Variants in GPHN observed in about 807,000 individuals in gnomAD.
The protein encoded by GPHN is gephyrin.
A neutral mutation model predicts 95.5 loss-of-function variants in GPHN; 17 were observed. That is an observed-to-expected ratio of 0.18 (90% CI 0.12 to 0.27). GPHN has a LOEUF of 0.27. GPHN is among the 10% of genes least tolerant of loss of function. The pLI is 1.00. For synonymous variants in GPHN, 320 were observed against 322.5 expected (o/e 0.99, Z 0.08); for missense variants, 660 against 978.1 (o/e 0.67, Z 4.34).
At chr14:67,454,087 G>GTT in the GPHN span, 1 of 152,416 alleles carries the variant, frequency 6.6e-6, no homozygotes, top group Non-Finnish European at 1.5e-5. Flanking sequence ...TACAGGTTGT[G>GTT]TCCCCTGGGG....
At chr14:66,635,720 G>T (rs898049136) in intron 1 of GPHN, among the ~76,000 whole-genome samples, 3 of 152,144 alleles carry the variant, frequency 2.0e-5, no homozygotes, top group Non-Finnish European at 4.4e-5. Flanking sequence ...AAGGAATGAG[G>T]TGTACTGGAA....
chr14:67,088,510 T>C (rs1433327079), intron 11 of GPHN, among the ~76,000 whole-genome samples: 1 of 152,204 alleles, frequency 6.6e-6, no homozygotes, highest in Non-Finnish European at 1.5e-5. Flanking sequence ...CTTATTTAAG[T>C]ACCTATATTG....
the GPHN span, among the ~76,000 whole-genome samples, chr14:67,728,711 G>A: frequency 6.6e-6 from 1 of 150,916 alleles, no homozygotes; most frequent in African/African-American, 2.4e-5. Flanking sequence ...TGTGGGGGGG[G>A]GGTGTTAATC....
At chr14:67,095,918 TTAAAG>T (rs1435782557) in intron 12 of GPHN, among the ~76,000 whole-genome samples, 1 of 120,496 alleles carries the variant, frequency 8.3e-6, no homozygotes, top group Non-Finnish European at 1.8e-5. Flanking sequence ...ACCCTAAAAC[TTAAAG>T]TATAATAATA....
chr14:67,325,658 G>A, the GPHN span, among the ~76,000 whole-genome samples: 1 of 152,292 alleles, frequency 6.6e-6, no homozygotes, highest in African/African-American at 2.4e-5. Context: ...GCGCACTAAG[G>A]ACCAGAGTGT....
chr14:67,687,331 C>T, the GPHN span, among the ~76,000 whole-genome samples: 1 of 152,172 alleles, frequency 6.6e-6, no homozygotes, highest in African/African-American at 2.4e-5. Flanking sequence ...ACCTACCTCA[C>T]CAGTCTCAGC....
At chr14:66,557,076 G>A (rs927849100) in intron 1 of GPHN, among the ~76,000 whole-genome samples, 3 of 151,994 alleles carry the variant, frequency 2.0e-5, no homozygotes, top group Admixed American at 6.6e-5. Context: ...GCGTGGTGAC[G>A]TGTGCATGTA....
chr14:66,769,056 TTAATA>T (rs1337773611), intron 2 of GPHN, among the ~76,000 whole-genome samples: 10 of 152,128 alleles, frequency 6.6e-5, no homozygotes, highest in African/African-American at 2.4e-4. Context: ...TGTTGAAACT[TTAATA>T]AGTATACTGA....
At chr14:66,829,182 C>A (rs113689479) in intron 4 of GPHN, among the ~76,000 whole-genome samples, 2,348 of 150,288 alleles carry the variant, frequency 0.016, 31 homozygotes, top group Non-Finnish European at 0.018. Flanking sequence ...CCACCTTCCA[C>A]GTTCAAGCAA....
chr14:67,189,998 G>A, the GPHN span, among the ~76,000 whole-genome samples: 37,224 of 149,060 alleles, frequency 0.25, 9,369 homozygotes, highest in African/African-American at 0.62. Flanking sequence ...GTGCCATCAC[G>A]CCCAGCTAAT....
the GPHN span, among the ~76,000 whole-genome samples, chr14:67,453,182 T>C: frequency 3.9e-5 from 6 of 152,066 alleles, no homozygotes; most frequent in East Asian, 1.2e-3. Context: ...AACCAAATAG[T>C]ATGCTCAAAT....
intron 2 of GPHN, among the ~76,000 whole-genome samples, chr14:66,731,560 T>C (rs2071767573): frequency 6.6e-6 from 1 of 152,194 alleles, no homozygotes; most frequent in South Asian, 2.1e-4. Context: ...TTGAGGGAGA[T>C]GATCTGAAAT....
the GPHN span, among the ~76,000 whole-genome samples, chr14:67,274,748 C>T: frequency 1.3e-5 from 2 of 152,144 alleles, no homozygotes; most frequent in East Asian, 3.9e-4. Flanking sequence ...TTCTTCCCAT[C>T]CATGAGCATG....
chr14:66,860,250 A>G (rs2062973305), intron 4 of GPHN, among the ~76,000 whole-genome samples: 1 of 152,180 alleles, frequency 6.6e-6, no homozygotes, highest in Non-Finnish European at 1.5e-5. Context: ...ATGACATACA[A>G]CGGAGCTCTA....
chr14:67,607,004 C>T, the GPHN span, among the ~76,000 whole-genome samples: 1 of 152,206 alleles, frequency 6.6e-6, no homozygotes. Flanking sequence ...AAACCAGCAG[C>T]AGTGGCTGGG....
At chr14:67,049,202 CTGAT>C (rs1382542601) in intron 10 of GPHN, among the ~76,000 whole-genome samples, 3 of 145,996 alleles carry the variant, frequency 2.1e-5, no homozygotes, top group Middle Eastern at 3.3e-3. Context: ...CTTTTTCCTG[CTGAT>C]TAAGTTTGTT....
the GPHN span, among the ~76,000 whole-genome samples, chr14:67,628,594 G>GT: frequency 6.6e-6 from 1 of 152,104 alleles, no homozygotes; most frequent in East Asian, 1.9e-4. Flanking sequence ...CTTATCAAAA[G>GT]TTTTTTGATA....
chr14:66,521,643 A>G (rs2058489296), intron 1 of GPHN, among the ~76,000 whole-genome samples: 1 of 152,112 alleles, frequency 6.6e-6, no homozygotes, highest in African/African-American at 2.4e-5. Flanking sequence ...CATATGTTGG[A>G]AGGGCAAGAG....
the GPHN span, chr14:67,343,470 CAA>C: frequency 7.0e-7 from 1 of 1,434,976 alleles, no homozygotes; most frequent in South Asian, 1.2e-5. Flanking sequence ...AATGTAAGCA[CAA>C]AGTCTTCCTA....
Sources: allele counts gnomAD v4.1 joint callset (sites outside exome capture counted in the v4.1 genomes callset), GRCh38; gene constraint gnomAD v4.1.1; transcripts MANE v1.5; gene names NCBI Gene and HGNC (gene_info 2026-07-23, HGNC 2026-07-21).